The following VPS8 variants were observed in gnomAD, a reference collection of about 807,000 sequenced individuals.
VPS8 encodes the protein VPS8 subunit of CORVET complex, also known as vacuolar protein sorting-associated protein 8 homolog.
A neutral mutation model predicts 216.4 loss-of-function variants in VPS8; 129 were observed. The observed-to-expected ratio is 0.60, with a 90% confidence interval of 0.52 to 0.69. VPS8 has a LOEUF of 0.69. Among genes scored for constraint, VPS8 ranks in the 30% least tolerant of loss-of-function variants. VPS8 has a pLI of 0.00. For synonymous variants in VPS8, 571 were observed against 565.4 expected, an observed-to-expected ratio of 1.01 and a Z score of -0.14; for missense variants, 1,531 against 1,683.5, an observed-to-expected ratio of 0.91 and a Z score of 1.59.
At chr3:184,996,814 G>A (rs1752676129) in intron 44 of VPS8, among the ~76,000 whole-genome samples, 1 of 152,234 alleles carries the variant, frequency 6.6e-6, no homozygotes, top group African/African-American at 2.4e-5. Flanking sequence ...CAGAACGAGA[G>A]AGGGAGGAGC....
intron 46 of VPS8, among the ~76,000 whole-genome samples, chr3:185,034,125 T>C (rs1271761347): frequency 6.6e-6 from 1 of 152,224 alleles, no homozygotes; most frequent in African/African-American, 2.4e-5. Context: ...CTCTCACTTA[T>C]AAGTGAGAAC....
chr3:184,927,938 T>C (rs1401244849), intron 31 of VPS8, among the ~76,000 whole-genome samples: 1 of 152,234 alleles, frequency 6.6e-6, no homozygotes, highest in Non-Finnish European at 1.5e-5. Context: ...GTTGTATGCA[T>C]ATACTACATT....
chr3:185,036,559 T>A (rs1758919387), intron 46 of VPS8, among the ~76,000 whole-genome samples: 1 of 151,984 alleles, frequency 6.6e-6, no homozygotes, highest in Admixed American at 6.6e-5. Flanking sequence ...TGATGAAGTC[T>A]TTAATGATTA....
chr3:184,870,925 T>TA (rs1728226079), intron 21 of VPS8, 120 bp downstream of exon 21: 2 of 795,574 alleles, frequency 2.5e-6, no homozygotes, highest in Non-Finnish European at 4.1e-6. Flanking sequence ...ATTCAAAACT[T>TA]TATTTCAGGG....
Position 184,920,121 on chromosome 3 carries a change from T to C in VPS8, c.2383-6T>C. On this transcript the variant is annotated splice_polypyrimidine_tract_variant and splice_region_variant and intron_variant, in intron 28 of 47. Coordinates refer to ENST00000625842, the MANE Select transcript of VPS8 (RefSeq NM_001009921.3). The stretch of plus-strand genomic sequence containing the variant: ...TTACTTTAAAAAATTTATTTCTCCC[T>C]TTTAGACTTTTGAAGATTTTAAAAA... The C allele has an allele frequency of 6.6e-7, 1 of 1,514,450 alleles. No homozygotes were observed. 93.8% of individuals were successfully genotyped at this position (1,514,450 alleles called of 1,614,324 possible). A position where few individuals can be genotyped will look rare whatever the true frequency, so the allele number is the denominator to read the frequency against.
chr3:184,893,283 G>A lies in VPS8; in HGVS notation c.1782-1420G>A, dbSNP rs1391250880. The A allele has an allele frequency of 3.1e-6, 4 of 1,287,992 alleles. No homozygotes were observed. The African/African-American group carries it at 4.6e-5, about 15-fold the overall frequency. 79.8% of individuals were successfully genotyped at this position (1,287,992 alleles called of 1,614,324 possible). On this transcript the variant is annotated intron_variant, in intron 22 of 47. Coordinates refer to ENST00000625842, the MANE Select transcript of VPS8 (RefSeq NM_001009921.3). ...TCCTAGTCCTTTCAGGAGCTTCCTT[G>A]ATGTTTTTGTGGAACTTGTCATGAA...
At chr3:184,885,507 C>T (rs1157055956) in intron 21 of VPS8, among the ~76,000 whole-genome samples, 2 of 152,272 alleles carry the variant, frequency 1.3e-5, no homozygotes, top group East Asian at 3.9e-4. Context: ...GTTAAATCAA[C>T]GTTACAATAG....
At chr3:184,957,559 T>C in intron 37 of VPS8, 38 bp downstream of exon 37, 1 of 1,552,378 alleles carries the variant, frequency 6.4e-7, no homozygotes, top group Non-Finnish European at 8.7e-7. Context: ...GAGTAAACTC[T>C]TCTTAACATT....
At chr3:184,831,522 C>G (rs1319251386) in intron 3 of VPS8, among the ~76,000 whole-genome samples, 4 of 152,168 alleles carry the variant, frequency 2.6e-5, no homozygotes, top group African/African-American at 9.7e-5. Context: ...AGACATTGTT[C>G]TCTGATGTTT....
chr3:184,865,650 A>G (rs1016056416), intron 16 of VPS8, among the ~76,000 whole-genome samples: 3 of 152,198 alleles, frequency 2.0e-5, no homozygotes, highest in Admixed American at 2.0e-4. Flanking sequence ...GGGAAACTAA[A>G]ATGGCGCAAA....
In VPS8 at chr3:184,979,355, G is replaced by A. The variant is rs184753027; in HGVS notation, c.3421-3211G>A. Among the ~76,000 whole-genome samples the A allele has an allele frequency of 2.0e-5, 3 of 152,224 alleles. No homozygotes were observed. The East Asian group carries it at 5.8e-4, about 29-fold the overall frequency. On this transcript the variant is annotated intron_variant, in intron 40 of 47. Transcript: ENST00000625842. ...TCACATTCAGGTCCTGAGTATCTTT[G>A]CTAGTTTTCTGCCTCGATAATCTGT... is the stretch of plus-strand genomic sequence containing the variant.
intron 21 of VPS8, among the ~76,000 whole-genome samples, chr3:184,871,040 G>GA (rs759237843): frequency 6.6e-6 from 1 of 152,116 alleles, no homozygotes; most frequent in African/African-American, 2.4e-5. Context: ...CGTGTGGAAG[G>GA]AAAGGATATA....
intron 3 of VPS8, among the ~76,000 whole-genome samples, chr3:184,828,493 T>C (rs1222713614): frequency 6.6e-6 from 1 of 152,104 alleles, no homozygotes; most frequent in African/African-American, 2.4e-5. Context: ...GATCTCAGAA[T>C]TTAGGACATG....
chr3:184,824,326 TA>T (rs1454972844), intron 1 of VPS8: 1 of 244,418 alleles, frequency 4.1e-6, no homozygotes, highest in Non-Finnish European at 8.0e-6. Flanking sequence ...GGCCACTTCC[TA>T]AAGTCCTTGA....
intron 43 of VPS8, among the ~76,000 whole-genome samples, chr3:184,995,797 T>C (rs905086817): frequency 6.6e-6 from 1 of 152,218 alleles, no homozygotes; most frequent in Non-Finnish European, 1.5e-5. Context: ...AAATGACTTC[T>C]AAGTGCTGAT....
Position 184,830,454 on chromosome 3 carries a change from TCACA to T in VPS8, c.223-2210_223-2207del, listed in dbSNP as rs3040915. Among the ~76,000 whole-genome samples the T allele has an allele frequency of 9.5e-3, 1,403 of 147,786 alleles. 26 individuals are homozygous for T. Among genetic ancestry groups the T allele is most frequent in the African/African-American group, 0.032 (1,288 of 40,538 alleles). On this transcript the variant is annotated intron_variant, in intron 3 of 47. Coordinates refer to ENST00000625842, the MANE Select transcript of VPS8 (RefSeq NM_001009921.3). ...TAAGTTTTAGAATTAGTTTATCAGT[TCACA>T]CACACACACACACACACACACACAA...
At chr3:185,025,252 T>G (rs781336798) in intron 46 of VPS8, among the ~76,000 whole-genome samples, 29 of 152,332 alleles carry the variant, frequency 1.9e-4, no homozygotes, top group Non-Finnish European at 2.8e-4. Flanking sequence ...TCCTTTTCCT[T>G]TATCCAGCTG....
chr3:184,893,768 G>A (rs1732817295), intron 22 of VPS8, among the ~76,000 whole-genome samples: 1 of 152,178 alleles, frequency 6.6e-6, no homozygotes, highest in African/African-American at 2.4e-5. Context: ...GGCTTTATAT[G>A]TAGATGTTCA....
intron 21 of VPS8, among the ~76,000 whole-genome samples, chr3:184,884,703 C>T (rs1730894820): frequency 6.6e-6 from 1 of 151,998 alleles, no homozygotes; most frequent in Non-Finnish European, 1.5e-5. Flanking sequence ...GCTTCATTTC[C>T]CTCTGTTAAA....
Sources: gnomAD v4.1 joint callset for allele counts (sites outside exome capture counted in the v4.1 genomes callset) on GRCh38, gnomAD v4.1.1 for gene constraint, MANE v1.5 for transcripts, NCBI Gene and HGNC (gene_info 2026-07-23, HGNC 2026-07-21) for gene names.